Variants in VAMP2 observed in about 807,000 individuals in gnomAD.
VAMP2 encodes vesicle-associated membrane protein 2.
For missense variants in VAMP2, 95 were observed against 151.3 expected, an observed-to-expected ratio of 0.63 and a Z score of 1.95; for synonymous variants, 67 against 57.3, an observed-to-expected ratio of 1.17 and a Z score of -0.76.
In VAMP2 at chr17:8,162,340, G is replaced by C. The variant is rs778808061; in HGVS notation, c.32C>G (p.Ala11Gly). Residue 11 changes from alanine (A) to glycine (G), a missense_variant, in exon 2 of 5, where the codon GCT (alanine) becomes GGT (glycine). Coordinates refer to ENST00000316509, the MANE Select transcript of VAMP2 (RefSeq NM_014232.3). Reference sequence around the variant, plus strand: ...GGGACCACCCTCCCCAGCCGGGGCAGCAGGGGGGGCCGTGGCAGCGGTAGC... The same window carrying C: ...GGGACCACCCTCCCCAGCCGGGGCACCAGGGGGGGCCGTGGCAGCGGTAGC... MSATAATAPP[A>G]APAGEGGPPA... The C allele has an allele frequency of 1.2e-6, 2 of 1,606,752 alleles. No homozygotes were observed. The highest frequency in any genetic ancestry group is 2.2e-5 in the South Asian group (2 of 90,410).
chr17:8,160,380 G>GTTTTTTTGTTTTTTTTTTTTTT lies in VAMP2; in HGVS notation c.*474_*475insAAAAAAAAAAAAAACAAAAAAA, dbSNP rs1983260841. On this transcript the variant is annotated 3_prime_UTR_variant, in exon 5 of 5. Coordinates refer to ENST00000316509, the MANE Select transcript of VAMP2 (RefSeq NM_014232.3). ...TAAGGAAGCCTGGACAGGTGCTGTT[G>GTTTTTTTGTTTTTTTTTTTTTT]TTTTTTTTTTTTTTTTTTTTTTTTT... The GTTTTTTTGTTTTTTTTTTTTTT allele has an allele frequency of 2.8e-5, 1 of 35,108 alleles. No homozygotes were observed. Among genetic ancestry groups the GTTTTTTTGTTTTTTTTTTTTTT allele is most frequent in the Non-Finnish European group, 5.0e-5 (1 of 20,096 alleles). 2.2% of individuals were successfully genotyped at this position (35,108 alleles called of 1,614,324 possible).
chr17:8,160,380 G>GTTTTTGTTTTTTT lies in VAMP2; in HGVS notation c.*474_*475insAAAAAAACAAAAA, dbSNP rs1983260685. 2 of 35,108 alleles carry GTTTTTGTTTTTTT rather than the reference G, an allele frequency of 5.7e-5. No individual in the cohort carries two copies. Among genetic ancestry groups the GTTTTTGTTTTTTT allele is most frequent in the Non-Finnish European group, 1.0e-4 (2 of 20,096 alleles). The allele number at this position is 35,108 out of a possible 1,614,324, so 2.2% of individuals were successfully genotyped here. Reference sequence around the variant, plus strand: ...TAAGGAAGCCTGGACAGGTGCTGTTGTTTTTTTTTTTTTTTTTTTTTTTTT... The same window carrying GTTTTTGTTTTTTT: ...TAAGGAAGCCTGGACAGGTGCTGTTGTTTTTGTTTTTTTTTTTTTTTTTTTTTTTTTTTTTTTT... On this transcript the variant is annotated 3_prime_UTR_variant, in exon 5 of 5. Coordinates refer to ENST00000316509, the MANE Select transcript of VAMP2 (RefSeq NM_014232.3).
Position 8,159,376 on chromosome 17 carries a change from G to A in VAMP2, c.*1479C>T, listed in dbSNP as rs530451738. The A allele has an allele frequency of 4.6e-5, 7 of 152,568 alleles. No homozygotes were observed. Among genetic ancestry groups the A allele is most frequent in the Admixed American group, 4.6e-4 (7 of 15,282 alleles). The allele number at this position is 152,568 out of a possible 1,614,324, so 9.5% of individuals were successfully genotyped here. A position where few individuals can be genotyped will look rare whatever the true frequency, so the allele number is the denominator to read the frequency against. ...AGAAGTGTGGGGGGAAGAAAGTTTG[G>A]GGGCCCCCTCCCGTGGCAGGTTAAG... is the stretch of plus-strand genomic sequence containing the variant. On this transcript the variant is annotated 3_prime_UTR_variant, in exon 5 of 5. Coordinates refer to ENST00000316509, the MANE Select transcript of VAMP2 (RefSeq NM_014232.3).
At chr17:8,162,212 G>A (rs370374568) in intron 2 of VAMP2, 37 bp downstream of exon 2, 7 of 1,502,498 alleles carry the variant, frequency 4.7e-6, no homozygotes, top group Non-Finnish European at 6.2e-6. Flanking sequence ...CAACCCCCAG[G>A]GTCCCTCCTA....
At chr17:8,162,218 T>C (rs1439325911) in intron 2 of VAMP2, 31 bp downstream of exon 2, 6 of 1,509,934 alleles carry the variant, frequency 4.0e-6, no homozygotes, top group Non-Finnish European at 5.3e-6. Flanking sequence ...CCAGGGTCCC[T>C]CCTACTGCTT....
intron 4 of VAMP2, 70 bp from the exon 5 acceptor site, chr17:8,160,941 G>A (rs1311108819): frequency 4.9e-6 from 7 of 1,416,522 alleles, no homozygotes; most frequent in Non-Finnish European, 6.9e-6. Flanking sequence ...AGAAAGCAGT[G>A]TGTCAGGCCT....
chr17:8,160,394 T>TTTTTTTGTTTTTG lies in VAMP2; in HGVS notation c.*460_*461insCAAAAACAAAAAA, dbSNP rs1983268193. ...CAGGTGCTGTTGTTTTTTTTTTTTT[T>TTTTTTTGTTTTTG]TTTTTTTTTTTGAGGGCGGGGCAGA... On this transcript the variant is annotated 3_prime_UTR_variant, in exon 5 of 5. Coordinates refer to ENST00000316509, the MANE Select transcript of VAMP2 (RefSeq NM_014232.3). The TTTTTTTGTTTTTG allele has an allele frequency of 2.3e-5, 3 of 129,518 alleles. No individual in the cohort carries two copies. Among genetic ancestry groups the TTTTTTTGTTTTTG allele is most frequent in the Non-Finnish European group, 5.0e-5 (3 of 59,730 alleles). 8.0% of individuals were successfully genotyped at this position (129,518 alleles called of 1,614,324 possible).
intron 4 of VAMP2, 72 bp from the exon 5 acceptor site, chr17:8,160,943 G>T: frequency 7.2e-7 from 1 of 1,395,436 alleles, no homozygotes; most frequent in Non-Finnish European, 1.0e-6. Flanking sequence ...AAAGCAGTGT[G>T]TCAGGCCTGG....
rs548345887 is a variant in VAMP2, at chr17:8,159,427, T to C, written c.*1428A>G. The stretch of plus-strand genomic sequence containing the variant: ...GGACTGTACCCTCAAACCCTTAAAA[T>C]TGTGCCATTTAAAAAGACAATAGAC... On this transcript the variant is annotated 3_prime_UTR_variant, in exon 5 of 5. Transcript: ENST00000316509. The C allele has an allele frequency of 2.0e-5, 3 of 152,624 alleles. No homozygotes were observed. The highest frequency in any genetic ancestry group is 2.1e-4 in the South Asian group (1 of 4,818). The allele number at this position is 152,624 out of a possible 1,614,324, so 9.5% of individuals were successfully genotyped here.
At chr17:8,162,780 G>A (rs916190700) in intron 1 of VAMP2, 98 bp downstream of exon 1, 19 of 1,232,712 alleles carry the variant, frequency 1.5e-5, no homozygotes, top group Non-Finnish European at 1.4e-5. Flanking sequence ...CGGGGCGCGG[G>A]GAACGCAGGA....
rs1003191189 is a variant in VAMP2 at position 8,160,725 on chromosome 17, G to A, written c.*130C>T. 1.4e-6 allele frequency: 1 copy of A among 719,790 alleles called. No individual in the cohort carries two copies. Among genetic ancestry groups the A allele is most frequent in the Non-Finnish European group, 2.2e-6 (1 of 462,740 alleles). The allele number at this position is 719,790 out of a possible 1,614,324, so 44.6% of individuals were successfully genotyped here. A position where few individuals can be genotyped will look rare whatever the true frequency, so the allele number is the denominator to read the frequency against. On this transcript the variant is annotated 3_prime_UTR_variant, in exon 5 of 5. Coordinates refer to ENST00000316509, the MANE Select transcript of VAMP2 (RefSeq NM_014232.3). ...AATAACAGCTGGCTATTTACAGGGG[G>A]ACACACACACGGACACACACACACA...
intron 4 of VAMP2, 21 bp downstream of exon 4, chr17:8,161,452 G>C (rs762824790): frequency 6.2e-7 from 1 of 1,613,658 alleles, no homozygotes; most frequent in Non-Finnish European, 8.5e-7. Context: ...AAAGGGCCCC[G>C]GCCATTCTCA....
intron 4 of VAMP2, 107 bp downstream of exon 4, chr17:8,161,366 G>T: frequency 6.9e-7 from 1 of 1,448,752 alleles, no homozygotes; most frequent in Non-Finnish European, 9.3e-7. Context: ...GCAGCTATAT[G>T]TGTTTTTGGC....
chr17:8,161,601 C>T lies in VAMP2; in HGVS notation c.282+7G>A, dbSNP rs973902293. The T allele has an allele frequency of 1.2e-6, 2 of 1,614,106 alleles. No individual in the cohort carries two copies. Among genetic ancestry groups the T allele is most frequent in the Admixed American group, 3.3e-5 (2 of 60,026 alleles). On this transcript the variant is annotated splice_region_variant and intron_variant, in intron 3 of 4. Coordinates refer to ENST00000316509, the MANE Select transcript of VAMP2 (RefSeq NM_014232.3). ...CCACCTGTCCTCCTTCCTGTCCCCACCCTTACCTTGAGGTTTTTCCACCAG... is the reference window on the plus strand; with the variant it reads ...CCACCTGTCCTCCTTCCTGTCCCCATCCTTACCTTGAGGTTTTTCCACCAG...
chr17:8,161,775 AG>A lies in VAMP2; in HGVS notation c.124-10del, dbSNP rs748483393. ...CTCATGATGTCCACCACCTGGGAGAAGGGCCCACGAGGCAGGGGGGTGTGCC... is the reference window on the plus strand; with the variant it reads ...CTCATGATGTCCACCACCTGGGAGAAGGCCCACGAGGCAGGGGGGTGTGCC... On this transcript the variant is annotated splice_polypyrimidine_tract_variant and intron_variant, in intron 2 of 4. Coordinates refer to ENST00000316509, the MANE Select transcript of VAMP2 (RefSeq NM_014232.3). The A allele has an allele frequency of 1.2e-6, 2 of 1,610,310 alleles. No homozygotes were observed. Among genetic ancestry groups the A allele is most frequent in the Admixed American group, 3.3e-5 (2 of 59,894 alleles).
chr17:8,162,772 G>C lies in VAMP2; in HGVS notation c.2+106C>G, dbSNP rs916586393. On this transcript the variant is annotated intron_variant, in intron 1 of 4. Transcript: ENST00000316509. ...AGTCACCGGCTTGGGCCTGGCCCCG[G>C]GGCGCGGGGAACGCAGGAGAGACCC... is the stretch of plus-strand genomic sequence containing the variant. 2.3e-5 allele frequency: 29 copies of C among 1,238,746 alleles called. No homozygotes were observed. The South Asian group carries it at 8.0e-4, about 34-fold the overall frequency. 76.7% of individuals were successfully genotyped at this position (1,238,746 alleles called of 1,614,324 possible).
intron 1 of VAMP2, chr17:8,162,596 C>T: frequency 7.0e-7 from 1 of 1,432,176 alleles, no homozygotes; most frequent in Non-Finnish European, 9.1e-7. Context: ...TGAGGGCGAC[C>T]TCACAGATGC....
intron 4 of VAMP2, 107 bp from the exon 5 acceptor site, chr17:8,160,978 C>G (rs1472415519): frequency 1.0e-6 from 1 of 991,994 alleles, no homozygotes; most frequent in South Asian, 1.5e-5. Flanking sequence ...TCCCCACTCC[C>G]CAGCTGGCTG....
In VAMP2 at chr17:8,161,528, G is replaced by T; in HGVS notation, c.283-4C>A. On this transcript the variant is annotated splice_region_variant and splice_polypyrimidine_tract_variant and intron_variant, in intron 3 of 4. Coordinates refer to ENST00000316509, the MANE Select transcript of VAMP2 (RefSeq NM_014232.3). ...TCACTCCCAAGATGATCATCATCTGGGGGTGAGAGGCGAGGATCAGTAAGA... is the reference window on the plus strand; with the variant it reads ...TCACTCCCAAGATGATCATCATCTGTGGGTGAGAGGCGAGGATCAGTAAGA... 6.2e-7 allele frequency: 1 copy of T among 1,614,102 alleles called. No homozygotes were observed. Among genetic ancestry groups the T allele is most frequent in the Non-Finnish European group, 8.5e-7 (1 of 1,179,994 alleles).
Sources: allele counts gnomAD v4.1 joint callset, GRCh38; gene constraint gnomAD v4.1.1; transcripts MANE v1.5; gene names NCBI Gene and HGNC (gene_info 2026-07-23, HGNC 2026-07-21).